The following INSL6 variants were observed in gnomAD, a reference collection of about 807,000 sequenced individuals.
INSL6 encodes the protein insulin-like peptide INSL6.
Under a neutral mutation model 9.4 loss-of-function variants are expected in INSL6, and 16 were observed. That is an observed-to-expected ratio of 1.70 (90% CI 1.15 to 2.59). The LOEUF is 2.59. INSL6 is among the 30% of genes most tolerant of loss of function. The pLI is 0.00. For synonymous variants in INSL6, 154 were observed against 96.9 expected (o/e 1.59, Z -3.46); for missense variants, 391 against 257.3 (o/e 1.52, Z -3.56).
chr9:5,033,496 T>C, the INSL6 span, among the ~76,000 whole-genome samples: 1 of 152,148 alleles, frequency 6.6e-6, no homozygotes, highest in South Asian at 2.1e-4. Flanking sequence ...GAGAGAAAGG[T>C]TGGGTAACCC....
intron 1 of INSL6, among the ~76,000 whole-genome samples, chr9:5,180,035 A>T: frequency 6.6e-6 from 1 of 152,230 alleles, no homozygotes. Context: ...AATCCTCTTC[A>T]AATTAGTGTA....
the INSL6 span, among the ~76,000 whole-genome samples, chr9:5,031,832 G>A: frequency 5.0e-4 from 76 of 152,346 alleles, no homozygotes; most frequent in African/African-American, 1.6e-3. Context: ...CAGCATGGGC[G>A]ATGCAGAAGA....
At chr9:5,068,520 T>G in the INSL6 span, among the ~76,000 whole-genome samples, 1 of 151,954 alleles carries the variant, frequency 6.6e-6, no homozygotes, top group East Asian at 1.9e-4. Flanking sequence ...GGTTCATTGC[T>G]CAGAAGAAGT....
chr9:5,135,872 G>A (rs374941081), intron 2 of INSL6, among the ~76,000 whole-genome samples: 3 of 151,342 alleles, frequency 2.0e-5, no homozygotes, highest in African/African-American at 4.9e-5. Context: ...ATAGATACAC[G>A]GCTAGCCAGA....
At chr9:5,154,791 G>C (rs944389892) in intron 2 of INSL6, among the ~76,000 whole-genome samples, 1 of 152,172 alleles carries the variant, frequency 6.6e-6, no homozygotes, top group African/African-American at 2.4e-5. Context: ...TCACACACCA[G>C]TTAGAATGGC....
intron 2 of INSL6, among the ~76,000 whole-genome samples, chr9:5,156,134 T>G (rs1824811575): frequency 7.5e-6 from 1 of 133,132 alleles, no homozygotes; most frequent in South Asian, 2.3e-4. Flanking sequence ...GACAAATTTC[T>G]TAAAAGGAAA....
chr9:5,148,736 C>T (rs560206531), intron 2 of INSL6, among the ~76,000 whole-genome samples: 1 of 152,174 alleles, frequency 6.6e-6, no homozygotes, highest in African/African-American at 2.4e-5. Context: ...GGCACCAGGA[C>T]CTGCTCGTGG....
At chr9:5,147,823 G>C (rs1407882117) in intron 2 of INSL6, among the ~76,000 whole-genome samples, 3 of 152,148 alleles carry the variant, frequency 2.0e-5, no homozygotes, top group Non-Finnish European at 4.4e-5. Context: ...CCTCGGGTTG[G>C]TGTGTTCTTC....
the INSL6 span, among the ~76,000 whole-genome samples, chr9:5,019,682 C>T: frequency 1.3e-5 from 2 of 152,036 alleles, no homozygotes; most frequent in Admixed American, 1.3e-4. Flanking sequence ...TTTGAATTTG[C>T]TTTCATAGGG....
At chr9:5,111,966 A>G in the INSL6 span, 2 of 344,082 alleles carry the variant, frequency 5.8e-6, no homozygotes, top group African/African-American at 2.2e-5. Context: ...CAGCCCCTCC[A>G]CCGCCGTGGG....
chr9:4,992,404 C>G, the INSL6 span, among the ~76,000 whole-genome samples: 1 of 152,098 alleles, frequency 6.6e-6, no homozygotes, highest in Non-Finnish European at 1.5e-5. Flanking sequence ...GAAGCCTGTC[C>G]AGATTTGATG....
downstream of INSL6, among the ~76,000 whole-genome samples, chr9:5,120,971 G>C (rs1444597027): frequency 2.6e-5 from 4 of 152,110 alleles, no homozygotes; most frequent in Admixed American, 2.6e-4. Context: ...ACTAAACAAA[G>C]GTCAAAGATA....
At chr9:5,073,603 G>A in the INSL6 span, 2 of 903,864 alleles carry the variant, frequency 2.2e-6, no homozygotes, top group East Asian at 2.4e-5. Context: ...CTGAAAGTAG[G>A]AGAAAGTGCA....
At chr9:4,995,217 G>C in the INSL6 span, among the ~76,000 whole-genome samples, 2 of 152,128 alleles carry the variant, frequency 1.3e-5, no homozygotes, top group South Asian at 4.1e-4. Flanking sequence ...CTTTCTATTG[G>C]ATTTGTGGTC....
chr9:5,002,931 T>C, the INSL6 span, among the ~76,000 whole-genome samples: 12 of 152,004 alleles, frequency 7.9e-5, no homozygotes, highest in African/African-American at 2.9e-4. Context: ...AGATAGAAGT[T>C]AAGGTTATTT....
At chr9:5,082,739 A>C in the INSL6 span, among the ~76,000 whole-genome samples, 1 of 152,324 alleles carries the variant, frequency 6.6e-6, no homozygotes, top group South Asian at 2.1e-4. Flanking sequence ...GTTTATTGAG[A>C]CTGGAGAATG....
At chr9:5,066,562 G>C in the INSL6 span, 681 of 647,756 alleles carry the variant, frequency 1.1e-3, no homozygotes, top group Non-Finnish European at 1.5e-3. Context: ...AACATATAAA[G>C]TAGAGGAGAC....
the INSL6 span, among the ~76,000 whole-genome samples, chr9:5,044,866 G>A: frequency 6.6e-6 from 1 of 152,042 alleles, no homozygotes; most frequent in Non-Finnish European, 1.5e-5. Context: ...TTTCTTTATG[G>A]TTTTTAAAAA....
At chr9:5,086,221 G>T in the INSL6 span, 6 of 604,744 alleles carry the variant, frequency 9.9e-6, no homozygotes, top group African/African-American at 6.0e-5. Flanking sequence ...GCGAGGCCAC[G>T]GTCGGAGTCT....
Sources: gnomAD v4.1 joint callset for allele counts (sites outside exome capture counted in the v4.1 genomes callset) on GRCh38, gnomAD v4.1.1 for gene constraint, MANE v1.5 for transcripts, NCBI Gene and HGNC (gene_info 2026-07-23, HGNC 2026-07-21) for gene names.